The following TTL variants were observed in gnomAD, a reference collection of about 807,000 sequenced individuals.
TTL encodes the protein tubulin--tyrosine ligase.
A neutral mutation model predicts 41.1 loss-of-function variants in TTL; 10 were observed. The observed-to-expected ratio is 0.24, with a 90% confidence interval of 0.15 to 0.41. TTL has a LOEUF of 0.41. TTL is among the 10% of genes least tolerant of loss of function. The probability of loss-of-function intolerance (pLI) is 1.00; values close to 1 mark genes in which losing one functional copy is unlikely to be tolerated. For synonymous variants in TTL, 175 were observed against 175.5 expected, an observed-to-expected ratio of 1.00 and a Z score of 0.02; for missense variants, 367 against 460.4, an observed-to-expected ratio of 0.80 and a Z score of 1.86.
At chr2:112,521,291 A>G in intron 6 of TTL, 1 of 985,278 alleles carries the variant, frequency 1.0e-6, no homozygotes, top group Non-Finnish European at 1.2e-6. Flanking sequence ...TTCTCTCGGG[A>G]GAAGGCTGGT....
intron 3 of TTL, among the ~76,000 whole-genome samples, chr2:112,496,665 C>CTGTG (rs10635241): frequency 0.047 from 5,008 of 105,894 alleles, 181 homozygotes; most frequent in African/African-American, 0.062. Flanking sequence ...ATATATGTGT[C>CTGTG]TGTGTGTGTG....
chr2:112,510,963 T>C (rs1434159874), intron 5 of TTL, among the ~76,000 whole-genome samples: 3 of 152,178 alleles, frequency 2.0e-5, no homozygotes, highest in African/African-American at 7.2e-5. Flanking sequence ...TCTTTTAATG[T>C]TCTATGTGCA....
chr2:112,493,625 C>G (rs1381160005), intron 2 of TTL, among the ~76,000 whole-genome samples: 1 of 152,152 alleles, frequency 6.6e-6, no homozygotes, highest in East Asian at 1.9e-4. Context: ...GTCCTATGTT[C>G]CGTTAGAAAA....
In TTL at chr2:112,538,428, C is replaced by T. The variant is rs1682638640; in HGVS notation, c.*9633C>T. The T allele has an allele frequency of 6.6e-6, 1 of 152,176 alleles. No homozygotes were observed. Among genetic ancestry groups the T allele is most frequent in the South Asian group, 2.1e-4 (1 of 4,836 alleles). The allele number at this position is 152,176 out of a possible 1,614,324, so 9.4% of individuals were successfully genotyped here. A position where few individuals can be genotyped will look rare whatever the true frequency, so the allele number is the denominator to read the frequency against. On this transcript the variant is annotated 3_prime_UTR_variant, in exon 7 of 7. Transcript: ENST00000233336. ...ATAGAAAAAGGATTATACATTATGA[C>T]TAAGTGGGACTTATCCTAAGATTAC...
rs1195062298 is a variant in TTL, at chr2:112,512,355, C to CCTCAGCCTCCCGAATAGCTGGG, written c.876-7927_876-7926insCTCAGCCTCCCGAATAGCTGGG. ...TCGGCTCACTGCAAGCTCCGCCTTG[C>CCTCAGCCTCCCGAATAGCTGGG]AGGTTCACGCCATTCTCCTGCCTCA... is the stretch of plus-strand genomic sequence containing the variant. On this transcript the variant is annotated intron_variant, in intron 5 of 6. Transcript: ENST00000233336. Among the ~76,000 whole-genome samples, 5 of 151,934 alleles carry CCTCAGCCTCCCGAATAGCTGGG rather than the reference C, an allele frequency of 3.3e-5. No individual in the cohort carries two copies. The East Asian group carries it at 9.7e-4, about 29-fold the overall frequency.
rs376504140 is a variant in TTL, at chr2:112,498,094, C to T, written c.470-3112C>T. Among the ~76,000 whole-genome samples the T allele has an allele frequency of 9.2e-5, 14 of 152,272 alleles. 1 individual carries two copies. The highest frequency in any genetic ancestry group is 6.2e-4 in the South Asian group (3 of 4,818). On this transcript the variant is annotated intron_variant, in intron 3 of 6. Coordinates refer to ENST00000233336, the MANE Select transcript of TTL (RefSeq NM_153712.5). Reference sequence around the variant, plus strand: ...ATCCCAGCACTTTGAGAATCCAAGGCGGGCGGATCACCTGAGGTCAGGAGT... The same window carrying T: ...ATCCCAGCACTTTGAGAATCCAAGGTGGGCGGATCACCTGAGGTCAGGAGT...
At chr2:112,498,315 T>G (rs1320868868) in intron 3 of TTL, among the ~76,000 whole-genome samples, 1 of 151,942 alleles carries the variant, frequency 6.6e-6, no homozygotes, top group Non-Finnish European at 1.5e-5. Flanking sequence ...AGAGCAAAAA[T>G]TCCGTCTAAA....
At chr2:112,489,031 G>T (rs554786454) in intron 2 of TTL, among the ~76,000 whole-genome samples, 2 of 152,226 alleles carry the variant, frequency 1.3e-5, no homozygotes, top group South Asian at 4.1e-4. Flanking sequence ...AGATTGCAGT[G>T]AGCTGAGATC....
At chr2:112,524,657 A>G (rs1336959447) in intron 6 of TTL, among the ~76,000 whole-genome samples, 1 of 151,966 alleles carries the variant, frequency 6.6e-6, no homozygotes, top group Non-Finnish European at 1.5e-5. Context: ...TTTTCTTGTA[A>G]ATTTGTTTAA....
chr2:112,496,311 ATATT>A (rs1424805897), intron 3 of TTL, among the ~76,000 whole-genome samples: 2 of 152,232 alleles, frequency 1.3e-5, no homozygotes, highest in African/African-American at 4.8e-5. Flanking sequence ...TATTTGATAT[ATATT>A]TATTATGTTT....
intron 6 of TTL, 122 bp downstream of exon 6, chr2:112,520,547 C>T (rs1270286087): frequency 3.0e-6 from 4 of 1,352,066 alleles, no homozygotes; most frequent in Non-Finnish European, 3.0e-6. Flanking sequence ...TGATAGGAGA[C>T]CCTTGGGAGG....
intron 5 of TTL, among the ~76,000 whole-genome samples, chr2:112,509,002 G>C (rs1681847436): frequency 1.9e-5 from 1 of 51,942 alleles, no homozygotes. Context: ...CGGTGTAGAT[G>C]TCCTTTCTGG....
intron 6 of TTL, among the ~76,000 whole-genome samples, chr2:112,526,103 T>C (rs1682365984): frequency 6.6e-6 from 1 of 152,264 alleles, no homozygotes; most frequent in Non-Finnish European, 1.5e-5. Context: ...GATTTGCATA[T>C]GTTGAACCAG....
intron 2 of TTL, among the ~76,000 whole-genome samples, chr2:112,489,796 A>C (rs1022172870): frequency 6.6e-6 from 1 of 152,174 alleles, no homozygotes; most frequent in Non-Finnish European, 1.5e-5. Flanking sequence ...TGGAGCTTTA[A>C]ATTTATCTTG....
At chr2:112,509,867 C>A (rs1024461529) in intron 5 of TTL, among the ~76,000 whole-genome samples, 1 of 152,214 alleles carries the variant, frequency 6.6e-6, no homozygotes, top group Non-Finnish European at 1.5e-5. Context: ...CTCTTGACTT[C>A]AGGTGATCTA....
chr2:112,485,848 T>TA (rs1681225780), intron 1 of TTL, 69 bp from the exon 2 acceptor site: 3 of 1,367,616 alleles, frequency 2.2e-6, no homozygotes, highest in Non-Finnish European at 3.1e-6. Flanking sequence ...AAGCTGGGCA[T>TA]GACACAGCTG....
At chr2:112,487,082 G>A (rs1025130423) in intron 2 of TTL, among the ~76,000 whole-genome samples, 1 of 152,184 alleles carries the variant, frequency 6.6e-6, no homozygotes, top group Non-Finnish European at 1.5e-5. Context: ...TGGGCCTCCA[G>A]TATTCTTTCC....
At chr2:112,519,599 G>A (rs995631409) in intron 5 of TTL, among the ~76,000 whole-genome samples, 1 of 140,824 alleles carries the variant, frequency 7.1e-6, no homozygotes, top group East Asian at 2.1e-4. Flanking sequence ...CCAAAGGGCA[G>A]TCCATTCTTT....
chr2:112,528,670 A>T lies in TTL; in HGVS notation c.1020-11A>T, dbSNP rs1682427308. On this transcript the variant is annotated splice_polypyrimidine_tract_variant and intron_variant, in intron 6 of 6. Coordinates refer to ENST00000233336, the MANE Select transcript of TTL (RefSeq NM_153712.5). The stretch of plus-strand genomic sequence containing the variant: ...AACATCCTCAATGATATTTTTAAAA[A>T]CACATTTCAGGAAGCTCTATGCAGA... The T allele has an allele frequency of 1.2e-6, 2 of 1,605,142 alleles. No individual in the cohort carries two copies. Among genetic ancestry groups the T allele is most frequent in the Non-Finnish European group, 1.7e-6 (2 of 1,173,504 alleles).
Sources: allele counts gnomAD v4.1 joint callset (sites outside exome capture counted in the v4.1 genomes callset), GRCh38; gene constraint gnomAD v4.1.1; transcripts MANE v1.5; gene names NCBI Gene and HGNC (gene_info 2026-07-23, HGNC 2026-07-21).